The following DYRK1A variants were observed in gnomAD, a reference collection of about 807,000 sequenced individuals.
DYRK1A encodes the protein dual specificity tyrosine phosphorylation regulated kinase 1A.
A neutral mutation model predicts 79.7 loss-of-function variants in DYRK1A; 9 were observed. The observed-to-expected ratio is 0.11, with a 90% confidence interval of 0.07 to 0.20. The LOEUF (loss-of-function observed/expected upper bound fraction) is 0.20, where lower values mean the gene tolerates loss of function less well. Among genes scored for constraint, DYRK1A ranks in the 10% least tolerant of loss-of-function variants. The pLI is 1.00. For synonymous variants in DYRK1A, 349 were observed against 329.7 expected, an observed-to-expected ratio of 1.06 and a Z score of -0.63; for missense variants, 622 against 956.0, an observed-to-expected ratio of 0.65 and a Z score of 4.61.
rs1218489809 is a variant in DYRK1A, at chr21:37,525,682, A to G, written c.*13151A>G. 6.6e-6 allele frequency: 1 copy of G among 152,258 alleles called. No individual in the cohort carries two copies. Among genetic ancestry groups the G allele is most frequent in the Non-Finnish European group, 1.5e-5 (1 of 68,042 alleles). 9.4% of individuals were successfully genotyped at this position (152,258 alleles called of 1,614,324 possible). A position where few individuals can be genotyped will look rare whatever the true frequency, so the allele number is the denominator to read the frequency against. ...TTTGTGAGAAATATTTGAATCTATC[A>G]TGCATTATTGAACCAGTATTGTCAA... On this transcript the variant is annotated 3_prime_UTR_variant, in exon 12 of 12. Coordinates refer to ENST00000647188, the MANE Select transcript of DYRK1A (RefSeq NM_001347721.2).
chr21:37,423,426 A>G (rs534600897), intron 2 of DYRK1A, among the ~76,000 whole-genome samples: 1 of 152,258 alleles, frequency 6.6e-6, no homozygotes, highest in East Asian at 1.9e-4. Flanking sequence ...AAGTAACCAA[A>G]TTCAGTTTAT....
chr21:37,401,027 C>G (rs1349145098), intron 1 of DYRK1A, among the ~76,000 whole-genome samples: 2 of 151,970 alleles, frequency 1.3e-5, no homozygotes, highest in African/African-American at 4.8e-5. Context: ...ACTTGTAGTC[C>G]CAGCTACTTG....
chr21:37,439,187 T>C (rs1290929768), intron 2 of DYRK1A, among the ~76,000 whole-genome samples: 1 of 152,216 alleles, frequency 6.6e-6, no homozygotes, highest in Non-Finnish European at 1.5e-5. Context: ...AGCTTTTTGG[T>C]AGGTTCCATC....
At chr21:37,461,963 G>A (rs1173185143) in intron 2 of DYRK1A, among the ~76,000 whole-genome samples, 1 of 150,734 alleles carries the variant, frequency 6.6e-6, no homozygotes, top group Non-Finnish European at 1.5e-5. Context: ...CTGCTATTAG[G>A]TCCGTTCAGT....
At position 37,517,303 on chromosome 21, in the gene DYRK1A, A is replaced by T. The variant is rs1366056311; in HGVS notation, c.*4772A>T. On this transcript the variant is annotated 3_prime_UTR_variant, in exon 12 of 12. Transcript: ENST00000647188. ...ACAAGTGGAGCCCAGCTCTGTTCGC[A>T]TGGGAGGCCGGGCGATGCTGGCATG... is the stretch of plus-strand genomic sequence containing the variant. 6.6e-6 allele frequency: 1 copy of T among 152,308 alleles called. No homozygotes were observed. The highest frequency in any genetic ancestry group is 2.4e-5 in the African/African-American group (1 of 41,454). The allele number at this position is 152,308 out of a possible 1,614,324, so 9.4% of individuals were successfully genotyped here. A position where few individuals can be genotyped will look rare whatever the true frequency, so the allele number is the denominator to read the frequency against.
intron 2 of DYRK1A, among the ~76,000 whole-genome samples, chr21:37,461,965 C>T (rs1465634652): frequency 6.6e-6 from 1 of 150,562 alleles, no homozygotes; most frequent in Admixed American, 6.6e-5. Context: ...GCTATTAGGT[C>T]CGTTCAGTGA....
intron 2 of DYRK1A, among the ~76,000 whole-genome samples, chr21:37,436,984 C>T (rs1044397336): frequency 2.0e-5 from 3 of 151,946 alleles, no homozygotes; most frequent in Admixed American, 1.3e-4. Flanking sequence ...AGATTCTTGG[C>T]GAAAATGGTA....
intron 1 of DYRK1A, among the ~76,000 whole-genome samples, chr21:37,398,076 A>AAT (rs1555953897): frequency 0.041 from 6,004 of 145,652 alleles, 306 homozygotes; most frequent in Admixed American, 0.12. Flanking sequence ...TTAAAAAAAA[A>AAT]ATATATATAT....
At chr21:37,386,658 C>G (rs1279399374) in intron 1 of DYRK1A, among the ~76,000 whole-genome samples, 3 of 151,526 alleles carry the variant, frequency 2.0e-5, no homozygotes, top group Non-Finnish European at 2.9e-5. Flanking sequence ...CTGACCCATA[C>G]TGGCTTAAAA....
At chr21:37,498,923 T>C (rs563868294) in intron 9 of DYRK1A, among the ~76,000 whole-genome samples, 1 of 152,264 alleles carries the variant, frequency 6.6e-6, no homozygotes, top group African/African-American at 2.4e-5. Context: ...CATATGCTTA[T>C]TAGCCTTTCA....
chr21:37,498,149 G>A (rs914263386), intron 9 of DYRK1A, among the ~76,000 whole-genome samples: 1 of 152,046 alleles, frequency 6.6e-6, no homozygotes, highest in African/African-American at 2.4e-5. Flanking sequence ...CCATATTAGG[G>A]TTTTCCAATA....
chr21:37,480,995 C>T (rs1420254246), intron 5 of DYRK1A, 169 bp downstream of exon 5: 2 of 557,884 alleles, frequency 3.6e-6, no homozygotes, highest in African/African-American at 1.9e-5. Context: ...AGTGATACTG[C>T]ATCAGTAATA....
intron 9 of DYRK1A, among the ~76,000 whole-genome samples, chr21:37,501,166 G>GTTTTTTTTTTTTGTT (rs2053434064): frequency 4.3e-5 from 4 of 93,980 alleles, no homozygotes; most frequent in African/African-American, 1.9e-4. Context: ...GTTGTTGTTG[G>GTTTTTTTTTTTTGTT]TTTTTTTTTT....
rs36062978 is a variant in DYRK1A, at chr21:37,380,397, A to AT, written c.-77+12781dup. Among the ~76,000 whole-genome samples, 876 of 146,776 alleles carry AT rather than the reference A, an allele frequency of 6.0e-3. 5 individuals carry two copies. The highest frequency in any genetic ancestry group is 0.014 in the Middle Eastern group (4 of 286). On this transcript the variant is annotated intron_variant, in intron 1 of 11. Coordinates refer to ENST00000647188, the MANE Select transcript of DYRK1A (RefSeq NM_001347721.2). Reference sequence around the variant, plus strand: ...ATCTCATTGAGTATTTTACAGTTTAATTTTTTTTTTTTGTATTTCGTTGTT... The same window carrying AT: ...ATCTCATTGAGTATTTTACAGTTTAATTTTTTTTTTTTTGTATTTCGTTGTT...
chr21:37,472,576 T>G, intron 2 of DYRK1A, 108 bp from the exon 3 acceptor site: 1 of 958,370 alleles, frequency 1.0e-6, no homozygotes, highest in East Asian at 2.7e-5. Context: ...AAAAGTTTTT[T>G]AATATTGAAT....
At position 37,479,619 on chromosome 21, in the gene DYRK1A, G is replaced by GTTTT. The variant is rs565080496; in HGVS notation, c.301-1005_301-1002dup. ...GTTTTTGTTTTTGTTTTTGTTTTTT[G>GTTTT]TTTTTTTTTTTTTTTTTGGAGACAG... On this transcript the variant is annotated intron_variant, in intron 4 of 11. Coordinates refer to ENST00000647188, the MANE Select transcript of DYRK1A (RefSeq NM_001347721.2). Among the ~76,000 whole-genome samples the GTTTT allele has an allele frequency of 6.0e-4, 44 of 73,906 alleles. 2 individuals carry two copies. Among genetic ancestry groups the GTTTT allele is most frequent in the African/African-American group, 1.2e-3 (23 of 19,130 alleles). 48.5% of individuals were successfully genotyped at this position (73,906 alleles called of 152,430 possible). A position where few individuals can be genotyped will look rare whatever the true frequency, so the allele number is the denominator to read the frequency against.
chr21:37,415,924 T>G (rs2050329659), intron 1 of DYRK1A, among the ~76,000 whole-genome samples: 1 of 152,192 alleles, frequency 6.6e-6, no homozygotes, highest in Non-Finnish European at 1.5e-5. Context: ...TTTTCATGTT[T>G]AGGGTGGTTG....
At chr21:37,373,301 C>A (rs959009889) in intron 1 of DYRK1A, among the ~76,000 whole-genome samples, 1 of 152,232 alleles carries the variant, frequency 6.6e-6, no homozygotes, top group East Asian at 1.9e-4. Flanking sequence ...GGCACAGTAG[C>A]AATAATCTCA....
intron 1 of DYRK1A, among the ~76,000 whole-genome samples, chr21:37,391,051 A>C (rs2049860617): frequency 1.3e-5 from 2 of 152,276 alleles, no homozygotes; most frequent in South Asian, 4.1e-4. Context: ...GCTGTTTTGA[A>C]TTTTGATGAA....
Sources: allele counts gnomAD v4.1 joint callset (sites outside exome capture counted in the v4.1 genomes callset), GRCh38; gene constraint gnomAD v4.1.1; transcripts MANE v1.5; gene names NCBI Gene and HGNC (gene_info 2026-07-23, HGNC 2026-07-21).